Variants in AUH observed in about 807,000 individuals in gnomAD.
AUH encodes methylglutaconyl-CoA hydratase, mitochondrial.
AUH carries 29 observed loss-of-function variants against 42.3 expected under a neutral mutation model. The ratio of observed to expected loss-of-function variants is 0.69; its 90% CI spans 0.51 to 0.93. The LOEUF (loss-of-function observed/expected upper bound fraction) is 0.93, where lower values mean the gene tolerates loss of function less well. Among genes scored for constraint, AUH ranks in the 40% least tolerant of loss-of-function variants. AUH has a pLI of 0.00. For missense variants in AUH, 452 were observed against 438.1 expected (o/e 1.03, Z -0.28); for synonymous variants, 174 against 166.4 (o/e 1.05, Z -0.35).
chr9:91,347,468 C>G (rs1831607866), intron 3 of AUH, among the ~76,000 whole-genome samples: 1 of 152,140 alleles, frequency 6.6e-6, no homozygotes, highest in African/African-American at 2.4e-5. Context: ...GGCCCCTTTC[C>G]CCTCTGGGGG....
Position 91,219,096 on chromosome 9 carries a change from G to A in AUH, c.843+1709C>T, listed in dbSNP as rs1826984092. 4.3e-6 allele frequency: 4 copies of A among 937,368 alleles called. No individual in the cohort carries two copies. The East Asian group carries it at 3.5e-4, about 82-fold the overall frequency. The allele number at this position is 937,368 out of a possible 1,614,324, so 58.1% of individuals were successfully genotyped here. On this transcript the variant is annotated intron_variant, in intron 7 of 9. Transcript: ENST00000375731. Reference sequence around the variant, plus strand: ...GATGCGGCTCGACACACTGGCAGTGGAAGGAGGGAGCAGAGGAGAGGACAG... The same window carrying A: ...GATGCGGCTCGACACACTGGCAGTGAAAGGAGGGAGCAGAGGAGAGGACAG...
chr9:91,360,277 A>G (rs2132114818), intron 1 of AUH: 1 of 152,320 alleles, frequency 6.6e-6, no homozygotes, highest in African/African-American at 2.4e-5. Context: ...GACTAAGCTT[A>G]CCCAAAAGAT....
At chr9:91,268,611 G>C (rs1587730757) in intron 6 of AUH, among the ~76,000 whole-genome samples, 1 of 152,010 alleles carries the variant, frequency 6.6e-6, no homozygotes, top group East Asian at 1.9e-4. Flanking sequence ...TTGTATTTTA[G>C]TACAGATGGG....
At chr9:91,315,784 C>T (rs1829109622) in intron 4 of AUH, among the ~76,000 whole-genome samples, 1 of 151,808 alleles carries the variant, frequency 6.6e-6, no homozygotes, top group African/African-American at 2.4e-5. Flanking sequence ...AGAACTAACA[C>T]CTGTCTGCCA....
chr9:91,352,777 G>T (rs118178872), intron 3 of AUH, among the ~76,000 whole-genome samples: 1,677 of 152,238 alleles, frequency 0.011, 13 homozygotes, highest in Non-Finnish European at 0.017. Flanking sequence ...AAAAATCAGT[G>T]AATTAAAGCA....
intron 3 of AUH, among the ~76,000 whole-genome samples, chr9:91,333,286 T>C (rs1439148219): frequency 2.0e-5 from 3 of 152,208 alleles, no homozygotes; most frequent in Non-Finnish European, 2.9e-5. Flanking sequence ...TTCAATTTTT[T>C]TTTTCCTGAT....
At chr9:91,303,626 C>T (rs1259154798) in intron 4 of AUH, among the ~76,000 whole-genome samples, 2 of 152,146 alleles carry the variant, frequency 1.3e-5, no homozygotes, top group East Asian at 3.9e-4. Flanking sequence ...TGCGCCCAGC[C>T]CCACAGGATT....
chr9:91,295,927 A>G, intron 6 of AUH, 94 bp downstream of exon 6: 1 of 1,416,996 alleles, frequency 7.1e-7, no homozygotes, highest in Non-Finnish European at 1.0e-6. Context: ...CTCTTTACGC[A>G]AAATGTTGCC....
At chr9:91,324,239 A>G (rs910376073) in intron 4 of AUH, among the ~76,000 whole-genome samples, 10 of 152,322 alleles carry the variant, frequency 6.6e-5, no homozygotes, top group South Asian at 6.2e-4. Context: ...AATGTGGCTC[A>G]TGCATGTAAT....
chr9:91,244,891 G>T (rs1239309318), intron 6 of AUH, among the ~76,000 whole-genome samples: 1 of 152,174 alleles, frequency 6.6e-6, no homozygotes, highest in African/African-American at 2.4e-5. Context: ...GAGGTTAAAG[G>T]TTAAAAGTAA....
intron 6 of AUH, among the ~76,000 whole-genome samples, chr9:91,276,357 A>G (rs1397462368): frequency 6.6e-6 from 1 of 151,608 alleles, no homozygotes; most frequent in Non-Finnish European, 1.5e-5. Context: ...ACTGAACCCC[A>G]GAGGCAGAGG....
intron 6 of AUH, among the ~76,000 whole-genome samples, chr9:91,236,247 G>C (rs1486065071): frequency 6.6e-6 from 1 of 151,566 alleles, no homozygotes; most frequent in Non-Finnish European, 1.5e-5. Context: ...CTAGCTAACT[G>C]GTGGCAGGGG....
intron 5 of AUH, 144 bp from the exon 6 acceptor site, chr9:91,296,221 A>T (rs1827321852): frequency 3.8e-6 from 3 of 783,986 alleles, no homozygotes; most frequent in Admixed American, 2.3e-5. Context: ...CTTAAAAGGC[A>T]TTGTTATGGA....
intron 6 of AUH, among the ~76,000 whole-genome samples, chr9:91,283,112 CCATGAT>C (rs965164911): frequency 8.8e-4 from 134 of 152,284 alleles, no homozygotes; most frequent in African/African-American, 2.9e-3. Context: ...AGCTTATCCA[CCATGAT>C]CAAGTGGGCT....
At chr9:91,314,454 G>T (rs1286226548) in intron 4 of AUH, among the ~76,000 whole-genome samples, 2 of 146,684 alleles carry the variant, frequency 1.4e-5, no homozygotes, top group East Asian at 4.0e-4. Context: ...CTGCACTCCA[G>T]CCTGGGCGAC....
chr9:91,360,081 CTCTCT>C (rs1251616811), intron 1 of AUH, among the ~76,000 whole-genome samples: 1 of 151,862 alleles, frequency 6.6e-6, no homozygotes, highest in Non-Finnish European at 1.5e-5. Flanking sequence ...ATCTGATATT[CTCTCT>C]TCTGTCCATT....
chr9:91,313,042 T>C (rs1279110605), intron 4 of AUH, among the ~76,000 whole-genome samples: 3 of 151,606 alleles, frequency 2.0e-5, no homozygotes, highest in South Asian at 2.1e-4. Flanking sequence ...AAAAAACTAA[T>C]TGGTTAACAG....
chr9:91,242,467 A>G (rs528909971), intron 6 of AUH, among the ~76,000 whole-genome samples: 42 of 152,254 alleles, frequency 2.8e-4, no homozygotes, highest in Non-Finnish European at 5.1e-4. Flanking sequence ...GAATATGTGA[A>G]CCACTTATCT....
At chr9:91,351,172 T>C (rs1474501410) in intron 3 of AUH, among the ~76,000 whole-genome samples, 1 of 152,120 alleles carries the variant, frequency 6.6e-6, no homozygotes. Flanking sequence ...GGTTTTGCCA[T>C]GTTGCCCAGG....
Sources: gnomAD v4.1 joint callset for allele counts (sites outside exome capture counted in the v4.1 genomes callset) on GRCh38, gnomAD v4.1.1 for gene constraint, MANE v1.5 for transcripts, NCBI Gene and HGNC (gene_info 2026-07-23, HGNC 2026-07-21) for gene names.